MAPKAP1: variants seen among roughly 807,000 people sequenced by gnomAD.
MAPKAP1 encodes the protein target of rapamycin complex 2 subunit MAPKAP1.
Under a neutral mutation model 65.7 loss-of-function variants are expected in MAPKAP1, and 20 were observed. The ratio of observed to expected loss-of-function variants is 0.30; its 90% confidence interval spans 0.21 to 0.44. The LOEUF is 0.44. MAPKAP1 is among the 20% of genes least tolerant of loss of function. The probability of loss-of-function intolerance (pLI) is 1.00; values close to 1 mark genes in which losing one functional copy is unlikely to be tolerated. For synonymous variants in MAPKAP1, 222 were observed against 244.3 expected, an observed-to-expected ratio of 0.91 and a Z score of 0.85; for missense variants, 423 against 648.0, an observed-to-expected ratio of 0.65 and a Z score of 3.77.
chr9:125,513,245 A>G (rs1335723328), intron 7 of MAPKAP1: 1 of 152,208 alleles, frequency 6.6e-6, no homozygotes. Flanking sequence ...ATAATTCCAA[A>G]TATTTTTGGG....
intron 5 of MAPKAP1, among the ~76,000 whole-genome samples, chr9:125,571,749 G>C (rs189077074): frequency 6.6e-6 from 1 of 152,118 alleles, no homozygotes; most frequent in Non-Finnish European, 1.5e-5. Flanking sequence ...TGTAATCCCA[G>C]CTATTCGGGA....
chr9:125,625,248 A>T (rs1320683501), intron 4 of MAPKAP1, among the ~76,000 whole-genome samples: 338 of 28,216 alleles, frequency 0.012, 2 homozygotes, highest in African/African-American at 0.023. Flanking sequence ...AAAAAAAAAT[A>T]AATAAATAAA....
intron 7 of MAPKAP1, among the ~76,000 whole-genome samples, chr9:125,528,041 A>G (rs1317238640): frequency 2.0e-5 from 3 of 152,172 alleles, no homozygotes; most frequent in Non-Finnish European, 4.4e-5. Context: ...TTCATTCCAC[A>G]AATGTGCTAA....
rs533857382 is a variant in MAPKAP1 at position 125,454,302 on chromosome 9, T to C, written c.1346-9704A>G. On this transcript the variant is annotated intron_variant, in intron 10 of 11. Transcript: ENST00000265960. ...ATTCTTCAGCTCTTAGAGAAGTAGA[T>C]AAGAAACAAGTTCTGCATCCGGGAA... Among the ~76,000 whole-genome samples, 8 of 152,346 alleles carry C rather than the reference T, an allele frequency of 5.3e-5. No individual in the cohort carries two copies. In the East Asian group the frequency reaches 1.5e-3, roughly 29 times the overall value.
At chr9:125,620,550 T>C (rs1428724852) in intron 4 of MAPKAP1, among the ~76,000 whole-genome samples, 2 of 152,212 alleles carry the variant, frequency 1.3e-5, no homozygotes, top group African/African-American at 4.8e-5. Context: ...ATGCCATATG[T>C]ACAAGATTAT....
chr9:125,442,230 G>T (rs759686836), intron 11 of MAPKAP1, among the ~76,000 whole-genome samples: 8 of 151,830 alleles, frequency 5.3e-5, no homozygotes, highest in Non-Finnish European at 8.8e-5. Context: ...CAGGCCTAGG[G>T]TATGCTACAA....
chr9:125,507,557 C>T (rs983364303), intron 7 of MAPKAP1, among the ~76,000 whole-genome samples: 43 of 152,208 alleles, frequency 2.8e-4, no homozygotes, highest in African/African-American at 1.0e-3. Flanking sequence ...TTCTCCTTCC[C>T]ATGTTCTATG....
intron 7 of MAPKAP1, 76 bp downstream of exon 7, chr9:125,542,983 C>T (rs778401735): frequency 5.1e-6 from 5 of 978,648 alleles, no homozygotes; most frequent in Non-Finnish European, 8.3e-6. Context: ...CCAGCCATCA[C>T]ACACACACAC....
chr9:125,632,590 G>A (rs1287746949), intron 4 of MAPKAP1, among the ~76,000 whole-genome samples: 2 of 152,076 alleles, frequency 1.3e-5, no homozygotes, highest in Admixed American at 1.3e-4. Flanking sequence ...TATGACTTAA[G>A]TGCAAGTATC....
At chr9:125,641,245 A>G (rs1344318645) in intron 4 of MAPKAP1, among the ~76,000 whole-genome samples, 1 of 152,194 alleles carries the variant, frequency 6.6e-6, no homozygotes, top group Non-Finnish European at 1.5e-5. Flanking sequence ...TCTACACATA[A>G]TAGCCATTCA....
chr9:125,514,848 T>A (rs1225701597), intron 7 of MAPKAP1, among the ~76,000 whole-genome samples: 1 of 152,156 alleles, frequency 6.6e-6, no homozygotes, highest in African/African-American at 2.4e-5. Flanking sequence ...AGGGGCTGAC[T>A]GAATCTGCGT....
At position 125,455,036 on chromosome 9, in the gene MAPKAP1, TA is replaced by T. The variant is rs919279533; in HGVS notation, c.1346-10439del. Among the ~76,000 whole-genome samples the T allele has an allele frequency of 5.4e-3, 786 of 146,102 alleles. 5 individuals are homozygous for T. Among genetic ancestry groups the T allele is most frequent in the African/African-American group, 0.018 (699 of 39,794 alleles). ...CCCCCATCTCTATTTTAATAATAAT[TA>T]AAAAAAAAACCCAAAAAACAAAAAT... On this transcript the variant is annotated intron_variant, in intron 10 of 11. Coordinates refer to ENST00000265960, the MANE Select transcript of MAPKAP1 (RefSeq NM_001006617.3).
chr9:125,575,734 T>A, intron 5 of MAPKAP1, among the ~76,000 whole-genome samples: 1 of 152,120 alleles, frequency 6.6e-6, no homozygotes, highest in East Asian at 1.9e-4. Context: ...GAGCAACAAC[T>A]CTCATTCCTC....
intron 4 of MAPKAP1, among the ~76,000 whole-genome samples, chr9:125,644,860 T>C (rs182732593): frequency 6.6e-6 from 1 of 152,358 alleles, no homozygotes; most frequent in East Asian, 1.9e-4. Context: ...ATAACTGCAT[T>C]TAAAGATCAA....
chr9:125,693,518 CATATAT>C (rs1355497934), intron 1 of MAPKAP1, among the ~76,000 whole-genome samples: 2 of 128,020 alleles, frequency 1.6e-5, no homozygotes, highest in African/African-American at 6.9e-5. Context: ...CATACACACA[CATATAT>C]ACACATATAC....
chr9:125,625,670 C>T (rs1010574866), intron 4 of MAPKAP1, among the ~76,000 whole-genome samples: 2 of 152,142 alleles, frequency 1.3e-5, no homozygotes, highest in African/African-American at 4.8e-5. Flanking sequence ...TGGTGTGTGC[C>T]TGTAATGCCA....
At position 125,447,555 on chromosome 9, in the gene MAPKAP1, C is replaced by T. The variant is rs1239041554; in HGVS notation, c.1346-2957G>A. The T allele has an allele frequency of 6.7e-6, 3 of 445,782 alleles. No homozygotes were observed. The highest frequency in any genetic ancestry group is 7.1e-5 in the East Asian group (1 of 14,134). The allele number at this position is 445,782 out of a possible 1,614,324, so 27.6% of individuals were successfully genotyped here. A position where few individuals can be genotyped will look rare whatever the true frequency, so the allele number is the denominator to read the frequency against. ...CATAGGACATGGGGCGGACTCACTC[C>T]GCGGGCGTTTCTGCCCCGAGTTCCC... On this transcript the variant is annotated intron_variant, in intron 10 of 11. Coordinates refer to ENST00000265960, the MANE Select transcript of MAPKAP1 (RefSeq NM_001006617.3). The surrounding 1 kb of genome is among the most constrained non-coding windows in gnomAD (Gnocchi z 4.5).
Position 125,595,479 on chromosome 9 carries a change from TTA to T in MAPKAP1, c.499-9754_499-9753del. The T allele has an allele frequency of 1.9e-6, 2 of 1,030,392 alleles. No homozygotes were observed. The highest frequency in any genetic ancestry group is 2.4e-6 in the Non-Finnish European group (2 of 843,168). 63.8% of individuals were successfully genotyped at this position (1,030,392 alleles called of 1,614,324 possible). On this transcript the variant is annotated intron_variant, in intron 4 of 11. Transcript: ENST00000265960. This position sits in a 1 kb window ranked among gnomAD's most constrained non-coding sequence, Gnocchi z 4.0. ...AATTAAAATAATATACATTAGCTGC[TTA>T]TCATAAAATTAATTTCAAAATCATA...
At chr9:125,564,798 C>T (rs1051687814) in intron 5 of MAPKAP1, among the ~76,000 whole-genome samples, 4 of 152,066 alleles carry the variant, frequency 2.6e-5, no homozygotes, top group Non-Finnish European at 5.9e-5. Context: ...AACTATCTCA[C>T]AGTAGCAGGG....
Sources: gnomAD v4.1 joint callset for allele counts (sites outside exome capture counted in the v4.1 genomes callset) on GRCh38, gnomAD v4.1.1 for gene constraint, Gnocchi (gnomAD v3.1) non-coding constraint, MANE v1.5 for transcripts, NCBI Gene and HGNC (gene_info 2026-07-23, HGNC 2026-07-21) for gene names.